Variants in FAXC observed in about 807,000 individuals in gnomAD.
FAXC encodes the protein failed axon connections homolog, metaxin like GST domain containing, also known as failed axon connections homolog.
Under a neutral mutation model 41.9 loss-of-function variants are expected in FAXC, and 10 were observed. The ratio of observed to expected loss-of-function variants is 0.24; its 90% CI spans 0.15 to 0.41. The LOEUF (loss-of-function observed/expected upper bound fraction) is 0.41. Ranked by LOEUF, FAXC falls within the 10% of genes least tolerant of loss-of-function variation. The pLI is 1.00. For synonymous variants in FAXC, 183 were observed against 183.8 expected, an observed-to-expected ratio of 1.00 and a Z score of 0.03; for missense variants, 399 against 510.9, an observed-to-expected ratio of 0.78 and a Z score of 2.11.
chr6:99,294,945 G>C (rs1338088830), intron 4 of FAXC, among the ~76,000 whole-genome samples: 1 of 152,174 alleles, frequency 6.6e-6, no homozygotes, highest in Admixed American at 6.5e-5. Context: ...AAGGAACAAG[G>C]TTGAGAATGC....
At chr6:99,320,293 ATAT>A (rs1225897863) in intron 4 of FAXC, among the ~76,000 whole-genome samples, 1 of 152,202 alleles carries the variant, frequency 6.6e-6, no homozygotes, top group Non-Finnish European at 1.5e-5. Flanking sequence ...TTCATGATAA[ATAT>A]TATTAATGTA....
At chr6:99,315,262 AC>A (rs150207933) in intron 4 of FAXC, among the ~76,000 whole-genome samples, 2,275 of 22,810 alleles carry the variant, frequency 0.1, 635 homozygotes, top group Non-Finnish European at 0.15. Context: ...AAAAAAAAAA[AC>A]CAGTAAATGT....
chr6:99,315,282 TGAA>T (rs1370258560), intron 4 of FAXC, among the ~76,000 whole-genome samples: 1 of 138,854 alleles, frequency 7.2e-6, no homozygotes, highest in African/African-American at 2.8e-5. Context: ...GTCACCTCCT[TGAA>T]GAAGGCTTCC....
At chr6:99,284,419 C>T (rs78823572) in intron 5 of FAXC, among the ~76,000 whole-genome samples, 14,448 of 152,200 alleles carry the variant, frequency 0.095, 975 homozygotes, top group Middle Eastern at 0.15. Flanking sequence ...AGAGAGTGGA[C>T]ATCTATAGTT....
At chr6:99,331,405 C>G (rs1323564154) in intron 3 of FAXC, among the ~76,000 whole-genome samples, 1 of 152,088 alleles carries the variant, frequency 6.6e-6, no homozygotes, top group Non-Finnish European at 1.5e-5. Flanking sequence ...CACTCCACCC[C>G]GCATGGAGTA....
At chr6:99,288,659 T>C (rs1771111920) in intron 5 of FAXC, among the ~76,000 whole-genome samples, 1 of 152,158 alleles carries the variant, frequency 6.6e-6, no homozygotes, top group Admixed American at 6.5e-5. Flanking sequence ...TTTAGGAAAT[T>C]AAATGACAGT....
intron 1 of FAXC, among the ~76,000 whole-genome samples, chr6:99,346,134 G>A (rs1297837037): frequency 1.3e-5 from 2 of 152,186 alleles, no homozygotes; most frequent in Non-Finnish European, 2.9e-5. Context: ...ACATATTTCA[G>A]ATTTTGTTTT....
rs1314905370 is a variant in FAXC at position 99,272,803 on chromosome 6, C to T, written c.*8361G>A. 6.6e-6 allele frequency: 1 copy of T among 152,188 alleles called. No homozygotes were observed. Among genetic ancestry groups the T allele is most frequent in the South Asian group, 2.1e-4 (1 of 4,826 alleles). The allele number at this position is 152,188 out of a possible 1,614,324, so 9.4% of individuals were successfully genotyped here. ...ACTCTCCCAGTCATCTAAGAGACCA[C>T]CACTTAACAGTATATTAGATGCAAA... On this transcript the variant is annotated 3_prime_UTR_variant, in exon 6 of 6. Transcript: ENST00000389677.
At chr6:99,325,030 A>G (rs1013796911) in intron 3 of FAXC, among the ~76,000 whole-genome samples, 21 of 152,156 alleles carry the variant, frequency 1.4e-4, no homozygotes, top group Non-Finnish European at 2.4e-4. Context: ...ATCAATAAAT[A>G]AAAACTCAGA....
chr6:99,333,241 C>T (rs749220722), intron 3 of FAXC, 110 bp downstream of exon 3: 28 of 949,496 alleles, frequency 2.9e-5, no homozygotes, highest in Admixed American at 2.0e-4. Context: ...TCACTTCATC[C>T]GAAACTGTTA....
chr6:99,314,748 C>T (rs1430381006), intron 4 of FAXC, among the ~76,000 whole-genome samples: 1 of 152,222 alleles, frequency 6.6e-6, no homozygotes, highest in Non-Finnish European at 1.5e-5. Flanking sequence ...CACTCCTGCT[C>T]TCACACAATT....
chr6:99,338,507 T>TTATTTTATCAA (rs1773300981), intron 2 of FAXC, among the ~76,000 whole-genome samples: 1 of 152,164 alleles, frequency 6.6e-6, no homozygotes, highest in Admixed American at 6.5e-5. Flanking sequence ...AACGACAGGA[T>TTATTTTATCAA]TATTTTATCA....
intron 2 of FAXC, among the ~76,000 whole-genome samples, chr6:99,337,793 T>C (rs1773268386): frequency 1.3e-5 from 2 of 152,240 alleles, no homozygotes; most frequent in African/African-American, 4.8e-5. Flanking sequence ...ACATTGAGCT[T>C]TTTTTAAAAA....
intron 4 of FAXC, among the ~76,000 whole-genome samples, chr6:99,303,177 A>G (rs1050090262): frequency 6.6e-6 from 1 of 152,170 alleles, no homozygotes; most frequent in African/African-American, 2.4e-5. Flanking sequence ...TTTGGTACCT[A>G]TATGCCCTGA....
At chr6:99,333,613 T>G in intron 2 of FAXC, 66 bp from the exon 3 acceptor site, 2 of 1,339,530 alleles carry the variant, frequency 1.5e-6, no homozygotes, top group Non-Finnish European at 2.0e-6. Context: ...GCATGATTAA[T>G]AGAAACAAAC....
intron 5 of FAXC, among the ~76,000 whole-genome samples, chr6:99,281,910 C>T (rs1770855229): frequency 6.6e-6 from 1 of 152,240 alleles, no homozygotes; most frequent in African/African-American, 2.4e-5. Flanking sequence ...ACTATGACAT[C>T]CAGCCACTAG....
intron 1 of FAXC, among the ~76,000 whole-genome samples, chr6:99,344,334 T>C (rs1773522351): frequency 6.6e-6 from 1 of 152,168 alleles, no homozygotes; most frequent in Admixed American, 6.6e-5. Flanking sequence ...ACCCAGCTGA[T>C]TTCTAGTCAG....
At chr6:99,303,323 G>A (rs1440457768) in intron 4 of FAXC, among the ~76,000 whole-genome samples, 1 of 152,196 alleles carries the variant, frequency 6.6e-6, no homozygotes, top group Non-Finnish European at 1.5e-5. Flanking sequence ...CCAGTATACT[G>A]TAGGTGTTCA....
intron 4 of FAXC, among the ~76,000 whole-genome samples, chr6:99,299,737 C>T (rs766932397): frequency 6.6e-6 from 1 of 152,118 alleles, no homozygotes; most frequent in Non-Finnish European, 1.5e-5. Context: ...GGCAAAGCTA[C>T]AGGAAAAATA....
Sources: allele counts gnomAD v4.1 joint callset (sites outside exome capture counted in the v4.1 genomes callset), GRCh38; gene constraint gnomAD v4.1.1; transcripts MANE v1.5; gene names NCBI Gene and HGNC (gene_info 2026-07-23, HGNC 2026-07-21).